MAP3K21: variants seen among roughly 807,000 people sequenced by gnomAD.
MAP3K21 encodes the protein mitogen-activated protein kinase kinase kinase MLK4.
A neutral mutation model predicts 86.1 loss-of-function variants in MAP3K21; 63 were observed. The ratio of observed to expected loss-of-function variants is 0.73; its 90% confidence interval spans 0.60 to 0.90. The LOEUF (loss-of-function observed/expected upper bound fraction) is 0.90, where lower values mean the gene tolerates loss of function less well. Among genes scored for constraint, MAP3K21 ranks in the 40% least tolerant of loss-of-function variants. MAP3K21 has a pLI of 0.00. For missense variants in MAP3K21, 1,220 were observed against 1,367.7 expected (o/e 0.89, Z 1.70); for synonymous variants, 558 against 564.8 (o/e 0.99, Z 0.17).
chr1:233,334,164 CTTTTT>C (rs60541029), intron 1 of MAP3K21, among the ~76,000 whole-genome samples: 105,966 of 136,680 alleles, frequency 0.78, 40,838 homozygotes, highest in East Asian at 0.99. Context: ...CGTGCCTGGA[CTTTTT>C]TTTTTTTTTT....
intron 1 of MAP3K21, among the ~76,000 whole-genome samples, chr1:233,342,825 A>G (rs1663062119): frequency 6.6e-6 from 1 of 152,104 alleles, no homozygotes; most frequent in Non-Finnish European, 1.5e-5. Flanking sequence ...ATCCCTCCCC[A>G]TGTAGTATAG....
chr1:233,343,318 T>C (rs7526011), intron 1 of MAP3K21, among the ~76,000 whole-genome samples: 62,434 of 152,046 alleles, frequency 0.41, 13,719 homozygotes, highest in Admixed American at 0.54. Flanking sequence ...TATAGAGTAA[T>C]TACCATGTCT....
chr1:233,382,481 C>A lies in MAP3K21; in HGVS notation c.2881C>A (p.Pro961Thr). Residue 961 changes from proline (P) to threonine (T), a missense_variant, in exon 10 of 10, where the codon CCA (proline) becomes ACA (threonine). Around this residue, in one of 5 missense-constraint regions of MAP3K21, gnomAD observed 632 missense variants for 691.3 expected, o/e 0.91. Transcript: ENST00000366624. ...CCGCTCAGATCTGCCTCAGGCTTAC[C>A]CACAGACAGCAGTGTCTCAGCTGGC... ...RSRSDLPQAYPQTAVSQLAQT... is the reference protein window; with the variant it reads ...RSRSDLPQAYTQTAVSQLAQT... The A allele has an allele frequency of 1.2e-6, 2 of 1,614,172 alleles. No individual in the cohort carries two copies. The highest frequency in any genetic ancestry group is 1.7e-6 in the Non-Finnish European group (2 of 1,180,020).
intron 4 of MAP3K21, among the ~76,000 whole-genome samples, chr1:233,358,473 G>GTTTTGTT (rs1663405167): frequency 7.1e-6 from 1 of 141,596 alleles, no homozygotes; most frequent in South Asian, 2.2e-4. Flanking sequence ...ACTCTAATTT[G>GTTTTGTT]TTTTTTTTTT....
At chr1:233,339,255 CTTCTTCTTCTTCCTCT>C (rs1558450787) in intron 1 of MAP3K21, among the ~76,000 whole-genome samples, 23 of 63,390 alleles carry the variant, frequency 3.6e-4, no homozygotes, top group Non-Finnish European at 6.4e-4. Flanking sequence ...TCTTCTTCTT[CTTCTTCTTCTTCCTCT>C]TCTTCTTCTT....
chr1:233,348,094 C>T (rs2102764338), intron 2 of MAP3K21, among the ~76,000 whole-genome samples: 2 of 152,194 alleles, frequency 1.3e-5, no homozygotes, highest in South Asian at 4.1e-4. Flanking sequence ...GATTGTAGAA[C>T]ATTTTCTTTC....
intron 9 of MAP3K21, among the ~76,000 whole-genome samples, chr1:233,381,589 A>G (rs1460278326): frequency 6.6e-6 from 1 of 152,112 alleles, no homozygotes; most frequent in Non-Finnish European, 1.5e-5. Context: ...GATATTTTCT[A>G]TATTATTGTT....
rs145103476 is a variant in MAP3K21 at position 233,353,853 on chromosome 1, C to A, written c.1033C>A (p.Arg345=). ...WELLTGEVPY[R]GIDGLAVAYG... ...ACTGCTCACCGGAGAAGTCCCCTAT[C>A]GGGGCATTGATGGCCTCGCCGTGGC... The change falls in exon 3 of 10, where the codon CGG becomes AGG. Residue 345 remains arginine, a synonymous_variant. Transcript: ENST00000366624. 6.2e-7 allele frequency: 1 copy of A among 1,610,944 alleles called. No individual in the cohort carries two copies. Among genetic ancestry groups the A allele is most frequent in the African/African-American group, 1.3e-5 (1 of 74,834 alleles).
intron 9 of MAP3K21, among the ~76,000 whole-genome samples, chr1:233,381,263 T>C (rs933106751): frequency 1.3e-5 from 2 of 152,228 alleles, no homozygotes; most frequent in African/African-American, 4.8e-5. Flanking sequence ...AGTTTCTTCA[T>C]CTATAAAATG....
At chr1:233,372,825 G>A (rs2102764842) in intron 6 of MAP3K21, 1 of 152,256 alleles carries the variant, frequency 6.6e-6, no homozygotes, top group Non-Finnish European at 1.5e-5. Flanking sequence ...AGCGAAAGAA[G>A]AATGTGATTA....
chr1:233,345,674 A>G (rs1663122992), intron 1 of MAP3K21, among the ~76,000 whole-genome samples: 2 of 151,984 alleles, frequency 1.3e-5, no homozygotes, highest in South Asian at 4.2e-4. Flanking sequence ...TGGCACATGT[A>G]TACCTATGTA....
chr1:233,338,624 G>T (rs1285566115), intron 1 of MAP3K21, among the ~76,000 whole-genome samples: 1 of 152,168 alleles, frequency 6.6e-6, no homozygotes, highest in Non-Finnish European at 1.5e-5. Context: ...GAACATGCTT[G>T]TTACAGAGAA....
At chr1:233,369,415 G>A (rs998087749) in intron 5 of MAP3K21, among the ~76,000 whole-genome samples, 8 of 151,894 alleles carry the variant, frequency 5.3e-5, no homozygotes, top group African/African-American at 1.9e-4. Flanking sequence ...CATTTAAATT[G>A]AGACGTGATA....
rs763384075 is a variant in MAP3K21 at position 233,328,733 on chromosome 1, C to A, written c.705C>A (p.His235Gln). The A allele has an allele frequency of 8.9e-6, 13 of 1,456,524 alleles. No homozygotes were observed. In the South Asian group the frequency reaches 1.7e-4, roughly 19 times the overall value. 90.2% of individuals were successfully genotyped at this position (1,456,524 alleles called of 1,614,324 possible). The change falls in exon 1 of 10, where the codon CAC becomes CAA. Residue 235 changes from histidine to glutamine, a missense_variant. By Grantham distance (24) the His-to-Gln change is conservative. Coordinates refer to ENST00000366624, the MANE Select transcript of MAP3K21 (RefSeq NM_032435.3). The surrounding 1 kb of genome is among the most constrained non-coding windows in gnomAD (Gnocchi z 8.7). ...GPRRARRIPP[H>Q]VLVNWAVQIA... ...GCCGCGCGCGCCGCATCCCTCCGCA[C>A]GTGCTGGTCAACTGGGCCGTGCAGA...
At chr1:233,346,222 T>A (rs1382407043) in intron 1 of MAP3K21, among the ~76,000 whole-genome samples, 1 of 152,202 alleles carries the variant, frequency 6.6e-6, no homozygotes, top group African/African-American at 2.4e-5. Flanking sequence ...GAACTACTCA[T>A]AAAGAGCTCT....
rs540344588 is a variant in MAP3K21, at chr1:233,348,767, A to G, written c.986+2145A>G. Among the ~76,000 whole-genome samples, 4 of 152,102 alleles carry G rather than the reference A, an allele frequency of 2.6e-5. No individual in the cohort carries two copies. The East Asian group carries it at 7.7e-4, about 29-fold the overall frequency. On this transcript the variant is annotated intron_variant, in intron 2 of 9. Coordinates refer to ENST00000366624, the MANE Select transcript of MAP3K21 (RefSeq NM_032435.3). ...ATTACTTTTTTTTCCCTTTTTTTAC[A>G]TAAAAGAAAACTGGGAATGAGAGAG...
chr1:233,343,885 A>G (rs996535581), intron 1 of MAP3K21, among the ~76,000 whole-genome samples: 1 of 152,120 alleles, frequency 6.6e-6, no homozygotes, highest in African/African-American at 2.4e-5. Flanking sequence ...GAAAAAAATG[A>G]CCCTCTTTAT....
At chr1:233,345,651 C>A (rs1023152676) in intron 1 of MAP3K21, among the ~76,000 whole-genome samples, 12 of 151,922 alleles carry the variant, frequency 7.9e-5, no homozygotes, top group African/African-American at 2.9e-4. Flanking sequence ...TTAATGGGTG[C>A]AGCAAACCAA....
At position 233,328,493 on chromosome 1, in the gene MAP3K21, G is replaced by GGACC. The variant is rs1662740572; in HGVS notation, c.466_469dup (p.Pro157ArgfsTer98). ...AGGTGGCCGTGAAGGCGGCGCGCCA[G>GGACC]GACCCGGAGCAGGACGCGGCGGCGG... On this transcript the variant is annotated frameshift_variant, in exon 1 of 10. Coordinates refer to ENST00000366624, the MANE Select transcript of MAP3K21 (RefSeq NM_032435.3). LOFTEE classifies it high-confidence loss of function. The surrounding 1 kb of genome is among the most constrained non-coding windows in gnomAD (Gnocchi z 8.7). 6.6e-7 allele frequency: 1 copy of GGACC among 1,515,736 alleles called. No homozygotes were observed. Among genetic ancestry groups the GGACC allele is most frequent in the Non-Finnish European group, 8.8e-7 (1 of 1,142,446 alleles). 93.9% of individuals were successfully genotyped at this position (1,515,736 alleles called of 1,614,324 possible).
Sources: gnomAD v4.1 joint callset for allele counts (sites outside exome capture counted in the v4.1 genomes callset) on GRCh38, gnomAD v4.1.1 for gene constraint, gnomAD v4.1.1 regional missense constraint, Gnocchi (gnomAD v3.1) non-coding constraint, MANE v1.5 for transcripts, NCBI Gene and HGNC (gene_info 2026-07-23, HGNC 2026-07-21) for gene names.